Variants in NLRC5 observed in about 807,000 individuals in gnomAD.
NLRC5 encodes NLR family CARD domain containing 5.
NLRC5 carries 114 observed loss-of-function variants against 206.9 expected under a neutral mutation model. The observed-to-expected ratio is 0.55, with a 90% CI of 0.47 to 0.64. The LOEUF is 0.64. Ranked by LOEUF, NLRC5 falls within the 30% of genes least tolerant of loss-of-function variation. The probability of loss-of-function intolerance (pLI) is 0.00; values close to 1 mark genes in which losing one functional copy is unlikely to be tolerated. For synonymous variants in NLRC5, 952 were observed against 962.8 expected, an observed-to-expected ratio of 0.99 and a Z score of 0.21; for missense variants, 2,008 against 2,305.5, an observed-to-expected ratio of 0.87 and a Z score of 2.64.
intron 33 of NLRC5, 92 bp downstream of exon 33, chr16:57,065,390 G>A: frequency 1.2e-6 from 1 of 844,744 alleles, no homozygotes; most frequent in Admixed American, 3.5e-5. Context: ...TGGGGTAATA[G>A]CTGTGTCACC....
At chr16:57,039,967 A>G (rs1159153450) in intron 16 of NLRC5, 118 bp downstream of exon 16, 3 of 903,388 alleles carry the variant, frequency 3.3e-6, no homozygotes, top group Admixed American at 4.2e-5. Flanking sequence ...AATTCACGGA[A>G]GAGCGGGAAG....
At chr16:57,024,399 T>C (rs1357278884) in intron 5 of NLRC5, among the ~76,000 whole-genome samples, 1 of 152,224 alleles carries the variant, frequency 6.6e-6, no homozygotes, top group Non-Finnish European at 1.5e-5. Flanking sequence ...TAGAGCCTTC[T>C]CTGCCCCCAC....
At chr16:56,994,439 C>G (rs1200619457) in intron 1 of NLRC5, among the ~76,000 whole-genome samples, 1 of 152,218 alleles carries the variant, frequency 6.6e-6, no homozygotes, top group East Asian at 1.9e-4. Context: ...AGGCCCTGCT[C>G]TAGGCACTGG....
chr16:57,056,997 T>C (rs2065763742), intron 27 of NLRC5, among the ~76,000 whole-genome samples: 1 of 152,186 alleles, frequency 6.6e-6, no homozygotes, highest in Admixed American at 6.5e-5. Context: ...TTAAGTGGCT[T>C]CATAAGACAG....
rs2061305765 is a variant in NLRC5, at chr16:57,026,767, A to G, written c.1824A>G (p.Thr608=). The change falls in exon 6 of 49, where the codon ACA becomes ACG. Residue 608 remains threonine (T), a synonymous_variant. Coordinates refer to ENST00000688547, the MANE Select transcript of NLRC5 (RefSeq NM_001384950.1). ...AGAAGTTGGCCACCCGCAAGCTCAC[A>G]GGGCCAAAGGTTGTAGAGCTGTGTC... is the stretch of plus-strand genomic sequence containing the variant. ...VLKKLATRKL[T]GPKVVELCHC... The G allele has an allele frequency of 5.0e-6, 8 of 1,614,088 alleles. No homozygotes were observed. Among genetic ancestry groups the G allele is most frequent in the Non-Finnish European group, 5.9e-6 (7 of 1,179,946 alleles).
chr16:57,055,888 G>C (rs757712887), intron 27 of NLRC5, among the ~76,000 whole-genome samples: 1 of 152,232 alleles, frequency 6.6e-6, no homozygotes, highest in Non-Finnish European at 1.5e-5. Flanking sequence ...GAGCCAGCCA[G>C]GGTGGGGTCT....
intron 20 of NLRC5, among the ~76,000 whole-genome samples, chr16:57,045,130 G>A (rs1320518599): frequency 5.3e-5 from 8 of 151,498 alleles, no homozygotes; most frequent in African/African-American, 1.9e-4. Context: ...AGTTGAGCCC[G>A]GGGAAGGTTG....
chr16:57,069,939 G>A lies in NLRC5; in HGVS notation c.4583+20G>A. The A allele has an allele frequency of 6.4e-7, 1 of 1,557,444 alleles. No individual in the cohort carries two copies. Among genetic ancestry groups the A allele is most frequent in the East Asian group, 2.4e-5 (1 of 41,898 alleles). On this transcript the variant is annotated intron_variant, in intron 37 of 48. Transcript: ENST00000688547. ...GCTGGAGTGAGTTGCAGAGTGGAGG[G>A]ATTGGGGACAAGTGGCCCAGCTGAG... is the stretch of plus-strand genomic sequence containing the variant.
rs566904640 is a variant in NLRC5 at position 57,003,215 on chromosome 16, AT to A, written c.-128+13606del. On this transcript the variant is annotated intron_variant, in intron 1 of 48. Coordinates refer to ENST00000688547, the MANE Select transcript of NLRC5 (RefSeq NM_001384950.1). Reference sequence around the variant, plus strand: ...AGGCGCCTGCCACCACGCCTGGCTAATTTTTTTTATTTTAAGTAGAGACGAG... The same window carrying A: ...AGGCGCCTGCCACCACGCCTGGCTAATTTTTTTATTTTAAGTAGAGACGAG... Among the ~76,000 whole-genome samples, 6 of 151,826 alleles carry A rather than the reference AT, an allele frequency of 4.0e-5. No homozygotes were observed. The South Asian group carries it at 1.0e-3, about 26-fold the overall frequency.
At chr16:57,008,384 A>G (rs1428362222) in intron 1 of NLRC5, among the ~76,000 whole-genome samples, 1 of 152,248 alleles carries the variant, frequency 6.6e-6, no homozygotes, top group Non-Finnish European at 1.5e-5. Context: ...GCTTTCTGGT[A>G]CTTTCATGGT....
intron 1 of NLRC5, among the ~76,000 whole-genome samples, chr16:57,010,903 T>TA (rs780913523): frequency 1.3e-5 from 2 of 151,892 alleles, no homozygotes; most frequent in African/African-American, 4.8e-5. Context: ...TGGCTTTTTT[T>TA]AAAAAAAAAT....
Position 57,061,639 on chromosome 16 carries a change from C to T in NLRC5, c.4092C>T (p.Gly1364=). The change falls in exon 32 of 49, where the codon GGC becomes GGT. Residue 1364 remains glycine, a synonymous_variant. Transcript: ENST00000688547. ...CCAGGCTGACCCAGTGCTGCCTGGG[C>T]CAGAAGCAGCTGGCCATCCTCCTGA... ...TELTLTQCCL[G]QKQLAILLSL... is the part of the protein sequence containing the mutation. The T allele has an allele frequency of 6.2e-7, 1 of 1,610,232 alleles. No individual in the cohort carries two copies.
chr16:57,067,686 T>C, intron 35 of NLRC5, 50 bp from the exon 36 acceptor site: 1 of 1,563,762 alleles, frequency 6.4e-7, no homozygotes, highest in Non-Finnish European at 8.8e-7. Context: ...TGATGACCTC[T>C]GAGGTGTGTC....
At chr16:57,079,786 A>T (rs533330135) in intron 46 of NLRC5, among the ~76,000 whole-genome samples, 157 bp downstream of exon 46, 1 of 152,310 alleles carries the variant, frequency 6.6e-6, no homozygotes, top group East Asian at 1.9e-4. Flanking sequence ...TTACTCAGAC[A>T]TCCTCTCAAA....
In NLRC5 at chr16:57,041,267, C is replaced by T. The variant is rs191880290; in HGVS notation, c.2940-218C>T. The T allele has an allele frequency of 5.5e-4, 297 of 538,234 alleles. 1 individual carries two copies. Among genetic ancestry groups the T allele is most frequent in the Non-Finnish European group, 7.8e-4 (236 of 300,728 alleles). The allele number at this position is 538,234 out of a possible 1,614,324, so 33.3% of individuals were successfully genotyped here. Reference sequence around the variant, plus strand: ...AGGTCTCTGTGCCTTGGTTTCCTTCCATCTGTGTCTCTGCCCACCCTCTGC... The same window carrying T: ...AGGTCTCTGTGCCTTGGTTTCCTTCTATCTGTGTCTCTGCCCACCCTCTGC... On this transcript the variant is annotated intron_variant, in intron 17 of 48. Coordinates refer to ENST00000688547, the MANE Select transcript of NLRC5 (RefSeq NM_001384950.1).
rs2056525038 is a variant in NLRC5, at chr16:56,989,574, G to C, written c.-171G>C. The stretch of plus-strand genomic sequence containing the variant: ...CTACTTTCAGTTTCGTGCAGAGCGC[G>C]GAGGAGCCGCGAGCGCTGAGGGTGA... On this transcript the variant is annotated 5_prime_UTR_variant, in exon 1 of 49. Transcript: ENST00000688547. 6.5e-6 allele frequency: 1 copy of C among 152,796 alleles called. No individual in the cohort carries two copies. The highest frequency in any genetic ancestry group is 2.1e-4 in the South Asian group (1 of 4,844). The allele number at this position is 152,796 out of a possible 1,614,324, so 9.5% of individuals were successfully genotyped here.
chr16:57,045,369 G>A, intron 20 of NLRC5, 79 bp from the exon 21 acceptor site: 1 of 1,472,756 alleles, frequency 6.8e-7, no homozygotes, highest in Non-Finnish European at 9.5e-7. Flanking sequence ...TCCTTGCCCT[G>A]ACCAGTCTGG....
chr16:57,007,376 A>G (rs2059029788), intron 1 of NLRC5, among the ~76,000 whole-genome samples: 1 of 152,172 alleles, frequency 6.6e-6, no homozygotes, highest in South Asian at 2.1e-4. Context: ...TTTAGTTCTA[A>G]TGTATTATAT....
chr16:57,021,047 T>C, intron 3 of NLRC5, 40 bp downstream of exon 3: 4 of 1,593,074 alleles, frequency 2.5e-6, no homozygotes, highest in Non-Finnish European at 2.6e-6. Context: ...GCCGGGCCAG[T>C]ACCTGCGTCA....
Sources: gnomAD v4.1 joint callset for allele counts (sites outside exome capture counted in the v4.1 genomes callset) on GRCh38, gnomAD v4.1.1 for gene constraint, MANE v1.5 for transcripts, NCBI Gene and HGNC (gene_info 2026-07-23, HGNC 2026-07-21) for gene names.